Variants in KIAA0825 observed in about 807,000 individuals in gnomAD.
KIAA0825 encodes uncharacterized protein KIAA0825.
In KIAA0825, 119 loss-of-function variants were observed where a neutral mutation model predicts 147.6. That is an observed-to-expected ratio of 0.81 (90% CI 0.69 to 0.94). KIAA0825 has a LOEUF of 0.94. Ranked by LOEUF, KIAA0825 falls within the 40% of genes least tolerant of loss-of-function variation. KIAA0825 has a pLI of 0.00. For missense variants in KIAA0825, 1,381 were observed against 1,472.7 expected, an observed-to-expected ratio of 0.94 and a Z score of 1.02; for synonymous variants, 470 against 518.1, an observed-to-expected ratio of 0.91 and a Z score of 1.26.
Position 94,539,259 on chromosome 5 carries a change from G to A in KIAA0825, c.-1-2132C>T, listed in dbSNP as rs182015571. 4.3e-3 allele frequency among the ~76,000 whole-genome samples: 661 copies of A among 152,282 alleles called. 4 individuals are homozygous for A. The highest frequency in any genetic ancestry group is 0.015 in the African/African-American group (630 of 41,554). The stretch of plus-strand genomic sequence containing the variant: ...CACCCCTTGTTTGGCATATCATCAA[G>A]AAATAATCATAAAAATGGGCAACCA... On this transcript the variant is annotated intron_variant, in intron 2 of 20. Coordinates refer to ENST00000682413, the MANE Select transcript of KIAA0825 (RefSeq NM_001145678.3).
Position 94,470,066 on chromosome 5 carries a change from G to A in KIAA0825, c.1767C>T (p.Asn589=), listed in dbSNP as rs1316350520. The change falls in exon 10 of 21, where the codon AAC becomes AAT. Residue 589 remains asparagine (N), a synonymous_variant. Coordinates refer to ENST00000682413, the MANE Select transcript of KIAA0825 (RefSeq NM_001145678.3). ...VLVQRYQEFI[N]TLQFQVTNYC... ...AGTTCGTAACCTGAAACTGTAGAGT[G>A]TTGATGAATTCCTGATATCGTTGGA... The A allele has an allele frequency of 4.5e-6, 7 of 1,551,616 alleles. No individual in the cohort carries two copies. The South Asian group carries it at 8.3e-5, about 18-fold the overall frequency.
At position 94,477,868 on chromosome 5, in the gene KIAA0825, C is replaced by G. The variant is rs546599471; in HGVS notation, c.1133-663G>C. Among the ~76,000 whole-genome samples the G allele has an allele frequency of 1.1e-3, 172 of 152,180 alleles. 1 individual carries two copies. Among genetic ancestry groups the G allele is most frequent in the African/African-American group, 4.0e-3 (165 of 41,524 alleles). On this transcript the variant is annotated intron_variant, in intron 6 of 20. Transcript: ENST00000682413. ...TATAAAAATGTAATAAATAACTACTCCAAAATAAATCTTTCTACTTTTCCA... is the reference window on the plus strand; with the variant it reads ...TATAAAAATGTAATAAATAACTACTGCAAAATAAATCTTTCTACTTTTCCA...
At chr5:94,362,122 A>C (rs1201612969) in intron 20 of KIAA0825, among the ~76,000 whole-genome samples, 2 of 152,224 alleles carry the variant, frequency 1.3e-5, no homozygotes, top group Non-Finnish European at 2.9e-5. Context: ...AAGGCAAATA[A>C]AATTTTAGTG....
intron 20 of KIAA0825, among the ~76,000 whole-genome samples, chr5:94,234,533 G>A (rs963496852): frequency 6.6e-6 from 1 of 152,128 alleles, no homozygotes; most frequent in Non-Finnish European, 1.5e-5. Flanking sequence ...GGTTTAATTG[G>A]CTCATGGTGC....
At chr5:94,474,011 A>G (rs1761539460) in intron 7 of KIAA0825, among the ~76,000 whole-genome samples, 1 of 152,228 alleles carries the variant, frequency 6.6e-6, no homozygotes, top group Non-Finnish European at 1.5e-5. Context: ...AAGCCAAAAA[A>G]TAGCAATAAG....
At chr5:94,379,721 A>G (rs548680131) in intron 20 of KIAA0825, among the ~76,000 whole-genome samples, 1 of 152,172 alleles carries the variant, frequency 6.6e-6, no homozygotes, top group Non-Finnish European at 1.5e-5. Flanking sequence ...ATTCCTATCC[A>G]TGACCATGGA....
chr5:94,366,038 AGC>A (rs1460609098), intron 20 of KIAA0825, among the ~76,000 whole-genome samples: 2 of 152,118 alleles, frequency 1.3e-5, no homozygotes, highest in African/African-American at 4.8e-5. Flanking sequence ...ACAAAAGGAC[AGC>A]TTCAACTCCC....
intron 1 of KIAA0825, among the ~76,000 whole-genome samples, chr5:94,600,868 G>T (rs1273600499): frequency 6.6e-6 from 1 of 152,154 alleles, no homozygotes; most frequent in African/African-American, 2.4e-5. Flanking sequence ...CTTCCTAAAT[G>T]GGGGACTCCA....
chr5:94,204,909 A>G (rs1195098230), intron 20 of KIAA0825, among the ~76,000 whole-genome samples: 2 of 152,166 alleles, frequency 1.3e-5, no homozygotes, highest in Non-Finnish European at 2.9e-5. Context: ...GGACAATTTC[A>G]TAGATGCTGC....
At chr5:94,499,605 G>A (rs1300861168) in intron 5 of KIAA0825, among the ~76,000 whole-genome samples, 2 of 146,394 alleles carry the variant, frequency 1.4e-5, no homozygotes, top group African/African-American at 2.5e-5. Flanking sequence ...GGGGGACCAA[G>A]GGTCTTACAC....
rs189313923 is a variant in KIAA0825 at position 94,394,506 on chromosome 5, C to A, written c.3296+1595G>T. Among the ~76,000 whole-genome samples the A allele has an allele frequency of 2.9e-3, 435 of 152,184 alleles. 3 individuals are homozygous for A. Among genetic ancestry groups the A allele is most frequent in the African/African-American group, 0.01 (427 of 41,530 alleles). On this transcript the variant is annotated intron_variant, in intron 17 of 20. Coordinates refer to ENST00000682413, the MANE Select transcript of KIAA0825 (RefSeq NM_001145678.3). ...ATAGGAGATACCAGATGTGTTGGGG[C>A]TGTTTATAAAACTTAAATTGAAATC...
intron 3 of KIAA0825, among the ~76,000 whole-genome samples, chr5:94,530,253 G>A (rs1348546827): frequency 6.4e-5 from 7 of 108,982 alleles, no homozygotes; most frequent in East Asian, 2.8e-4. Flanking sequence ...CCTGGGCAAC[G>A]AGAGTAAAAC....
chr5:94,468,198 C>T (rs1760787681), intron 10 of KIAA0825, among the ~76,000 whole-genome samples: 1 of 152,166 alleles, frequency 6.6e-6, no homozygotes, highest in African/African-American at 2.4e-5. Flanking sequence ...ACTTCAATAA[C>T]AGGTTCTCAA....
intron 20 of KIAA0825, among the ~76,000 whole-genome samples, chr5:94,189,622 C>A (rs1459715449): frequency 6.6e-6 from 1 of 152,066 alleles, no homozygotes; most frequent in Non-Finnish European, 1.5e-5. Context: ...TATTAAGATT[C>A]ATTTTCCTAT....
intron 20 of KIAA0825, among the ~76,000 whole-genome samples, chr5:94,159,365 T>A (rs2149913210): frequency 6.6e-6 from 1 of 152,234 alleles, no homozygotes; most frequent in East Asian, 1.9e-4. Context: ...GTGGTATACA[T>A]CTCAATGCAT....
chr5:94,289,668 ATGAATAAATGAATGAG>A (rs1022923520), intron 20 of KIAA0825, among the ~76,000 whole-genome samples: 8 of 151,502 alleles, frequency 5.3e-5, no homozygotes, highest in Admixed American at 4.6e-4. Context: ...ACATACAGGA[ATGAATAAATGAATGAG>A]TGAATAAATG....
intron 13 of KIAA0825, among the ~76,000 whole-genome samples, chr5:94,449,953 G>T (rs1004319075): frequency 1.3e-5 from 2 of 151,928 alleles, no homozygotes; most frequent in Non-Finnish European, 2.9e-5. Context: ...GGTGGCACGT[G>T]CCTGTAATCC....
chr5:94,289,392 G>T (rs754035975), intron 20 of KIAA0825, among the ~76,000 whole-genome samples: 4 of 151,896 alleles, frequency 2.6e-5, no homozygotes, highest in Non-Finnish European at 4.4e-5. Context: ...ATAATTAACC[G>T]GGCATGGTGG....
chr5:94,520,445 T>C lies in KIAA0825; in HGVS notation c.773A>G (p.Asp258Gly), dbSNP rs919468829. 1 of 1,612,770 alleles carries C rather than the reference T, an allele frequency of 6.2e-7. No homozygotes were observed. The highest frequency in any genetic ancestry group is 1.3e-5 in the African/African-American group (1 of 74,990). Residue 258 changes from aspartate to glycine, a missense_variant, in exon 5 of 21, where the codon GAT becomes GGT. Transcript: ENST00000682413. ...TAAAATTTCACATAGTGTGTTAAAATCCTCTTTTATTACTGAGTATAACTT... is the reference window on the plus strand; with the variant it reads ...TAAAATTTCACATAGTGTGTTAAAACCCTCTTTTATTACTGAGTATAACTT... The part of the protein sequence containing the change: ...MLKLYSVIKE[D>G]FNTLCEILAP...
Sources: allele counts gnomAD v4.1 joint callset (sites outside exome capture counted in the v4.1 genomes callset), GRCh38; gene constraint gnomAD v4.1.1; transcripts MANE v1.5; gene names NCBI Gene and HGNC (gene_info 2026-07-23, HGNC 2026-07-21).